The following STIMATE variants were observed in gnomAD, a reference collection of about 807,000 sequenced individuals.
The protein encoded by STIMATE is STIM activating enhancer.
STIMATE carries 15 observed loss-of-function variants against 36.7 expected under a neutral mutation model. That is an observed-to-expected ratio of 0.41 (90% CI 0.27 to 0.63). The LOEUF is 0.63. STIMATE is among the 20% of genes least tolerant of loss of function. The pLI, the probability that STIMATE is intolerant of heterozygous loss-of-function variation, is 0.32. For missense variants in STIMATE, 305 were observed against 397.3 expected (o/e 0.77, Z 1.98); for synonymous variants, 163 against 162.3 (o/e 1.00, Z -0.03).
chr3:52,874,357 A>C (rs1013616824), intron 1 of STIMATE, among the ~76,000 whole-genome samples: 1 of 152,238 alleles, frequency 6.6e-6, no homozygotes, highest in African/African-American at 2.4e-5. Context: ...CAAATCATTA[A>C]AACGGTCAAT....
At chr3:52,895,263 A>AT (rs1459774397) in intron 1 of STIMATE, among the ~76,000 whole-genome samples, 1 of 152,226 alleles carries the variant, frequency 6.6e-6, no homozygotes, top group African/African-American at 2.4e-5. Context: ...CCCTGACTGC[A>AT]TCCCAGTCAG....
rs527348676 is a variant in STIMATE, at chr3:52,859,235, T to A, written c.161-3791A>T. 3.8e-4 allele frequency among the ~76,000 whole-genome samples: 57 copies of A among 150,642 alleles called. No individual in the cohort carries two copies. In the South Asian group the frequency reaches 0.012, roughly 31 times the overall value. On this transcript the variant is annotated intron_variant, in intron 1 of 7. Coordinates refer to ENST00000355083, the MANE Select transcript of STIMATE (RefSeq NM_198563.5). ...TGAGGTAGATCTATATGGGCTAATA[T>A]AGAAGATTTTCAAATTATATTAATA...
chr3:52,862,718 G>T (rs1001886196), intron 1 of STIMATE, among the ~76,000 whole-genome samples: 12 of 152,134 alleles, frequency 7.9e-5, no homozygotes, highest in African/African-American at 2.9e-4. Context: ...GTCCTACGTG[G>T]TATGTCCCAC....
chr3:52,843,720 C>T lies in STIMATE; in HGVS notation c.618+1G>A, dbSNP rs1190924998. 1.2e-6 allele frequency: 2 copies of T among 1,613,978 alleles called. No homozygotes were observed. The highest frequency in any genetic ancestry group is 1.7e-6 in the Non-Finnish European group (2 of 1,180,004). On this transcript the variant is annotated splice_donor_variant, in intron 6 of 7. Coordinates refer to ENST00000355083, the MANE Select transcript of STIMATE (RefSeq NM_198563.5). LOFTEE classifies it high-confidence loss of function. ...GGATAAAAATGCAACATGGCACTGACGTTGACAAAGAAGGGGACGATCAGC... is the reference window on the plus strand; with the variant it reads ...GGATAAAAATGCAACATGGCACTGATGTTGACAAAGAAGGGGACGATCAGC...
intron 1 of STIMATE, among the ~76,000 whole-genome samples, chr3:52,857,525 G>GA (rs751466754): frequency 6.6e-6 from 1 of 152,144 alleles, no homozygotes; most frequent in African/African-American, 2.4e-5. Context: ...TGCTTCAGGG[G>GA]AATCTGTCCC....
At chr3:52,866,107 G>A (rs1296154586) in intron 1 of STIMATE, among the ~76,000 whole-genome samples, 3 of 152,008 alleles carry the variant, frequency 2.0e-5, no homozygotes, top group African/African-American at 4.8e-5. Flanking sequence ...CATATCTGAG[G>A]GGCAGATTCC....
At chr3:52,888,839 T>C (rs1701735820) in intron 1 of STIMATE, among the ~76,000 whole-genome samples, 1 of 152,212 alleles carries the variant, frequency 6.6e-6, no homozygotes, top group South Asian at 2.1e-4. Flanking sequence ...TGCCCATCAA[T>C]GGTTGGTGAC....
In STIMATE at chr3:52,840,276, T is replaced by C. The variant is rs1421697144; in HGVS notation, c.*218A>G. The C allele has an allele frequency of 2.4e-5, 12 of 504,780 alleles. No homozygotes were observed. The highest frequency in any genetic ancestry group is 1.0e-4 in the Admixed American group (3 of 28,834). 31.3% of individuals were successfully genotyped at this position (504,780 alleles called of 1,614,324 possible). A position where few individuals can be genotyped will look rare whatever the true frequency, so the allele number is the denominator to read the frequency against. ...GGTCAGTGTTTGTAGTGCAACTGAATGGGGACCTCCAGCCGCCAGTGGCCC... is the reference window on the plus strand; with the variant it reads ...GGTCAGTGTTTGTAGTGCAACTGAACGGGGACCTCCAGCCGCCAGTGGCCC... On this transcript the variant is annotated 3_prime_UTR_variant, in exon 8 of 8. Coordinates refer to ENST00000355083, the MANE Select transcript of STIMATE (RefSeq NM_198563.5).
chr3:52,844,570 G>A (rs1578799053), intron 5 of STIMATE, among the ~76,000 whole-genome samples: 1 of 152,238 alleles, frequency 6.6e-6, no homozygotes, highest in South Asian at 2.1e-4. Context: ...ACCATCAGAT[G>A]GTAGCAAGCC....
intron 7 of STIMATE, 91 bp from the exon 8 acceptor site, chr3:52,840,701 T>C (rs1480111437): frequency 5.8e-5 from 1 of 17,338 alleles, no homozygotes; most frequent in Non-Finnish European, 1.2e-4. Flanking sequence ...AAGTCTCATG[T>C]TTTTTTTTTT....
chr3:52,856,529 TA>T (rs1701100144), intron 1 of STIMATE, among the ~76,000 whole-genome samples: 1 of 151,758 alleles, frequency 6.6e-6, no homozygotes, highest in Admixed American at 6.6e-5. Flanking sequence ...AAATATTTTT[TA>T]AAAAGTAGCT....
chr3:52,837,088 C>T lies in STIMATE; in HGVS notation c.*3406G>A, dbSNP rs1379085055. The T allele has an allele frequency of 6.5e-6, 1 of 154,700 alleles. No individual in the cohort carries two copies. The highest frequency in any genetic ancestry group is 1.4e-5 in the Non-Finnish European group (1 of 69,674). The allele number at this position is 154,700 out of a possible 1,614,324, so 9.6% of individuals were successfully genotyped here. On this transcript the variant is annotated 3_prime_UTR_variant, in exon 8 of 8. Coordinates refer to ENST00000355083, the MANE Select transcript of STIMATE (RefSeq NM_198563.5). Reference sequence around the variant, plus strand: ...ACGAAGTAAAACAGAGAGCTCTGCACTCTTAGCTGCAAGCGTGTGAAACTT... The same window carrying T: ...ACGAAGTAAAACAGAGAGCTCTGCATTCTTAGCTGCAAGCGTGTGAAACTT...
At position 52,884,681 on chromosome 3, in the gene STIMATE, C is replaced by T. The variant is rs1345861193; in HGVS notation, c.160+12610G>A. 3.3e-5 allele frequency among the ~76,000 whole-genome samples: 5 copies of T among 152,324 alleles called. No individual in the cohort carries two copies. In the East Asian group the frequency reaches 9.6e-4, roughly 29 times the overall value. On this transcript the variant is annotated intron_variant, in intron 1 of 7. Coordinates refer to ENST00000355083, the MANE Select transcript of STIMATE (RefSeq NM_198563.5). ...GTCATTCAGTATGTATTCCTTTTAT[C>T]TGGCTTCTTTTGCTCAGCATACTCA...
At chr3:52,852,269 C>G (rs3821832) in intron 3 of STIMATE, among the ~76,000 whole-genome samples, 1 of 152,202 alleles carries the variant, frequency 6.6e-6, no homozygotes, top group East Asian at 1.9e-4. Context: ...AGCAGAGACA[C>G]TCCTGTAGGG....
rs765738992 is a variant in STIMATE, at chr3:52,844,955, CG to C, written c.428-15del. The C allele has an allele frequency of 6.2e-7, 1 of 1,612,050 alleles. No homozygotes were observed. Among genetic ancestry groups the C allele is most frequent in the Non-Finnish European group, 8.5e-7 (1 of 1,178,780 alleles). ...GCAGAGGGTCTCCTGCAGGGACAGG[CG>C]GGTGCTTAGTCACATGGGGCCCAGG... On this transcript the variant is annotated splice_polypyrimidine_tract_variant and intron_variant, in intron 4 of 7. Transcript: ENST00000355083.
intron 1 of STIMATE, among the ~76,000 whole-genome samples, chr3:52,859,502 C>CAAAAAAAAAA (rs34298807): frequency 1.9e-4 from 3 of 15,646 alleles, no homozygotes; most frequent in Non-Finnish European, 2.3e-4. Context: ...CCCATTTCTC[C>CAAAAAAAAAA]AAAAAAAAAA....
chr3:52,845,940 G>GCC, intron 4 of STIMATE, among the ~76,000 whole-genome samples: 2 of 4,836 alleles, frequency 4.1e-4, no homozygotes, highest in Admixed American at 0.013. Context: ...GGGGGTGGCG[G>GCC]GGGGGCGGGA....
At chr3:52,858,336 C>T (rs1247826859) in intron 1 of STIMATE, among the ~76,000 whole-genome samples, 3 of 152,074 alleles carry the variant, frequency 2.0e-5, no homozygotes, top group Admixed American at 6.6e-5. Context: ...CTAGTGTAAC[C>T]ATTCAAAGGT....
In STIMATE at chr3:52,842,805, C is replaced by A; in HGVS notation, c.768+6G>T. On this transcript the variant is annotated splice_donor_region_variant and intron_variant, in intron 7 of 7. Transcript: ENST00000355083. ...TTGGGCCCTTGGAGAGTCAGGGAGGCCCTACCTCAGACTCAGACTCCTCGT... is the reference window on the plus strand; with the variant it reads ...TTGGGCCCTTGGAGAGTCAGGGAGGACCTACCTCAGACTCAGACTCCTCGT... The A allele has an allele frequency of 6.2e-7, 1 of 1,614,142 alleles. No homozygotes were observed. The highest frequency in any genetic ancestry group is 1.3e-5 in the African/African-American group (1 of 75,058).
Sources: gnomAD v4.1 joint callset for allele counts (sites outside exome capture counted in the v4.1 genomes callset) on GRCh38, gnomAD v4.1.1 for gene constraint, MANE v1.5 for transcripts, NCBI Gene and HGNC (gene_info 2026-07-23, HGNC 2026-07-21) for gene names.